Variants in CTNND2 observed in about 807,000 individuals in gnomAD.
CTNND2 encodes the protein catenin delta 2.
CTNND2 carries 22 observed loss-of-function variants against 144.4 expected under a neutral mutation model. The observed-to-expected ratio is 0.15, with a 90% CI of 0.11 to 0.22. CTNND2 has a LOEUF of 0.22. Ranked by LOEUF, CTNND2 falls within the 10% of genes least tolerant of loss-of-function variation. The probability of loss-of-function intolerance (pLI) is 1.00; values close to 1 mark genes in which losing one functional copy is unlikely to be tolerated. For synonymous variants in CTNND2, 751 were observed against 695.6 expected (o/e 1.08, Z -1.25); for missense variants, 1,353 against 1,618.8 (o/e 0.84, Z 2.82).
At chr5:11,689,906 T>C (rs972625137) in intron 2 of CTNND2, among the ~76,000 whole-genome samples, 5 of 152,204 alleles carry the variant, frequency 3.3e-5, no homozygotes, top group Admixed American at 1.3e-4. Context: ...TCACCACCCA[T>C]AGCCTTGAGT....
At chr5:11,708,650 G>GAC (rs532645072) in intron 2 of CTNND2, among the ~76,000 whole-genome samples, 28 of 152,246 alleles carry the variant, frequency 1.8e-4, no homozygotes, top group African/African-American at 6.5e-4. Flanking sequence ...GTACGATGAA[G>GAC]ACACAGGCTC....
chr5:11,887,210 T>C (rs1194402068), intron 1 of CTNND2, among the ~76,000 whole-genome samples: 7 of 151,952 alleles, frequency 4.6e-5, no homozygotes, highest in Non-Finnish European at 8.8e-5. Context: ...GTCTTGATCT[T>C]CTGACCTTGT....
At chr5:11,870,583 T>C (rs1255285569) in intron 1 of CTNND2, among the ~76,000 whole-genome samples, 1 of 152,096 alleles carries the variant, frequency 6.6e-6, no homozygotes, top group African/African-American at 2.4e-5. Flanking sequence ...TAAAAGGAAG[T>C]GAAAAAATGC....
intron 2 of CTNND2, among the ~76,000 whole-genome samples, chr5:11,693,785 T>C (rs746555891): frequency 3.3e-5 from 5 of 152,220 alleles, no homozygotes; most frequent in African/African-American, 7.2e-5. Flanking sequence ...GTGTGATAGT[T>C]TTGTTCTATA....
chr5:11,745,131 TATC>T, intron 1 of CTNND2, among the ~76,000 whole-genome samples: 1 of 152,204 alleles, frequency 6.6e-6, no homozygotes, highest in Admixed American at 6.5e-5. Context: ...CGTACTATAT[TATC>T]ATTGTTTTTT....
chr5:11,786,041 G>A (rs1026853330), intron 1 of CTNND2, among the ~76,000 whole-genome samples: 7 of 152,184 alleles, frequency 4.6e-5, no homozygotes, highest in Non-Finnish European at 8.8e-5. Context: ...GACCAGTGCA[G>A]AGCACATGGC....
chr5:11,898,277 C>A (rs1737563401), intron 1 of CTNND2, among the ~76,000 whole-genome samples: 1 of 152,210 alleles, frequency 6.6e-6, no homozygotes, highest in African/African-American at 2.4e-5. Flanking sequence ...AACCCACATT[C>A]CTGCACATTT....
intron 1 of CTNND2, among the ~76,000 whole-genome samples, chr5:11,787,704 A>T (rs1790907323): frequency 1.7e-5 from 1 of 57,688 alleles, no homozygotes; most frequent in Non-Finnish European, 3.5e-5. Context: ...CTGAATGTGT[A>T]TGTCCATGTC....
chr5:11,264,142 T>C (rs547117430), intron 9 of CTNND2, among the ~76,000 whole-genome samples: 14 of 152,360 alleles, frequency 9.2e-5, no homozygotes, highest in Admixed American at 3.9e-4. Flanking sequence ...GTCTATCTAA[T>C]ATATAGTTTA....
chr5:11,378,106 C>CCTGGAATTCCAGAGGGTA (rs1758117308), intron 7 of CTNND2, among the ~76,000 whole-genome samples: 1 of 152,018 alleles, frequency 6.6e-6, no homozygotes, highest in East Asian at 1.9e-4. Context: ...AACATGGGGT[C>CCTGGAATTCCAGAGGGTA]CTGGAATTCC....
At chr5:11,730,177 G>A (rs1450785050) in intron 2 of CTNND2, among the ~76,000 whole-genome samples, 4 of 152,064 alleles carry the variant, frequency 2.6e-5, no homozygotes, top group South Asian at 2.1e-4. Flanking sequence ...GAAACTCATC[G>A]ACCACTTATG....
intron 1 of CTNND2, among the ~76,000 whole-genome samples, chr5:11,830,093 A>G (rs1374898642): frequency 6.6e-6 from 1 of 152,182 alleles, no homozygotes; most frequent in African/African-American, 2.4e-5. Flanking sequence ...GGCTGTATTT[A>G]CCCAATGCCT....
Position 11,022,770 on chromosome 5 carries a change from T to C in CTNND2, c.2998A>G (p.Lys1000Glu). ...LVGISKSKGD[K>E]HSPKVVKAAS... ...ATATGGCGTCACCAGGTAACTTACTTATCTCCTTTGCTTTTGGAGATGCCG... is the reference window on the plus strand; with the variant it reads ...ATATGGCGTCACCAGGTAACTTACTCATCTCCTTTGCTTTTGGAGATGCCG... The change falls in exon 17 of 22, where the codon AAA becomes GAA. Residue 1000 changes from lysine (K) to glutamate (E), a missense_variant and splice_region_variant. This residue lies in a region of CTNND2 where 459 missense variants were observed against 674.3 expected (regional missense o/e 0.68). Coordinates refer to ENST00000304623, the MANE Select transcript of CTNND2 (RefSeq NM_001332.4). The C allele has an allele frequency of 1.2e-6, 2 of 1,613,326 alleles. No individual in the cohort carries two copies. Among genetic ancestry groups the C allele is most frequent in the Non-Finnish European group, 1.7e-6 (2 of 1,179,590 alleles).
chr5:11,846,969 A>C (rs982194201), intron 1 of CTNND2, among the ~76,000 whole-genome samples: 1 of 151,742 alleles, frequency 6.6e-6, no homozygotes, highest in African/African-American at 2.4e-5. Context: ...CAGAGAAAGC[A>C]AACTCAGTAC....
chr5:11,179,339 CA>C (rs1019455271), intron 11 of CTNND2, among the ~76,000 whole-genome samples: 6 of 151,622 alleles, frequency 4.0e-5, no homozygotes, highest in African/African-American at 1.5e-4. Context: ...AAAACAAAAA[CA>C]AAAAACAAAA....
intron 3 of CTNND2, among the ~76,000 whole-genome samples, chr5:11,443,339 T>A (rs1481274624): frequency 1.4e-5 from 1 of 72,162 alleles, no homozygotes; most frequent in Non-Finnish European, 2.4e-5. Context: ...GTGGTGTGTG[T>A]GGGGAGTGTG....
intron 1 of CTNND2, among the ~76,000 whole-genome samples, chr5:11,815,179 T>C (rs1287567173): frequency 7.9e-5 from 12 of 152,044 alleles, no homozygotes; most frequent in Admixed American, 7.9e-4. Context: ...AAAACTGCCA[T>C]GAATAAAATG....
intron 16 of CTNND2, among the ~76,000 whole-genome samples, chr5:11,074,818 TC>T (rs1172846296): frequency 6.6e-6 from 1 of 152,208 alleles, no homozygotes; most frequent in African/African-American, 2.4e-5. Flanking sequence ...TTTTATGTCG[TC>T]CTTTAAATAT....
At chr5:11,069,201 T>C (rs1174022129) in intron 16 of CTNND2, among the ~76,000 whole-genome samples, 1 of 152,264 alleles carries the variant, frequency 6.6e-6, no homozygotes, top group Non-Finnish European at 1.5e-5. Context: ...GACACTACTC[T>C]ACTTGAGTCA....
Sources: allele counts gnomAD v4.1 joint callset (sites outside exome capture counted in the v4.1 genomes callset), GRCh38; gene constraint gnomAD v4.1.1; regional missense constraint gnomAD v4.1.1; transcripts MANE v1.5; gene names NCBI Gene and HGNC (gene_info 2026-07-23, HGNC 2026-07-21).